The following LDLRAD3 variants were observed in gnomAD, a reference collection of about 807,000 sequenced individuals.
LDLRAD3 encodes low density lipoprotein receptor class A domain containing 3.
In LDLRAD3, 20 loss-of-function variants were observed where a neutral mutation model predicts 29.4. The ratio of observed to expected loss-of-function variants is 0.68; its 90% CI spans 0.48 to 0.99. The LOEUF (loss-of-function observed/expected upper bound fraction) is 0.99, where lower values mean the gene tolerates loss of function less well. Among genes scored for constraint, LDLRAD3 ranks in the 50% least tolerant of loss-of-function variants. LDLRAD3 has a pLI of 0.00. For synonymous variants in LDLRAD3, 157 were observed against 192.7 expected (o/e 0.81, Z 1.53); for missense variants, 420 against 454.3 (o/e 0.92, Z 0.69).
At chr11:36,054,189 C>T (rs956809416) in intron 2 of LDLRAD3, among the ~76,000 whole-genome samples, 4 of 152,114 alleles carry the variant, frequency 2.6e-5, no homozygotes, top group African/African-American at 9.7e-5. Flanking sequence ...AGTGGGAGTA[C>T]AAAGGCAGAT....
At chr11:36,139,681 C>T (rs556488191) in intron 4 of LDLRAD3, among the ~76,000 whole-genome samples, 1 of 152,330 alleles carries the variant, frequency 6.6e-6, no homozygotes, top group South Asian at 2.1e-4. Flanking sequence ...CCATAAACCA[C>T]CAAACCCTGC....
chr11:36,113,723 G>T (rs547268480), intron 4 of LDLRAD3, among the ~76,000 whole-genome samples: 2 of 148,370 alleles, frequency 1.3e-5, no homozygotes, highest in Admixed American at 6.8e-5. Context: ...ATCCAGGCTG[G>T]AGTTCAGCAG....
At chr11:36,133,541 T>C (rs538760151) in intron 4 of LDLRAD3, among the ~76,000 whole-genome samples, 98 of 133,178 alleles carry the variant, frequency 7.4e-4, no homozygotes, top group African/African-American at 2.2e-3. Context: ...GTTTTCTTTT[T>C]CTTTTCTTTT....
intron 4 of LDLRAD3, among the ~76,000 whole-genome samples, chr11:36,154,438 T>C (rs541691730): frequency 6.6e-6 from 1 of 152,310 alleles, no homozygotes; most frequent in South Asian, 2.1e-4. Context: ...CTAAAGCATG[T>C]TCCTTAGAAC....
At chr11:36,082,772 C>G (rs1451283985) in intron 3 of LDLRAD3, among the ~76,000 whole-genome samples, 1 of 152,150 alleles carries the variant, frequency 6.6e-6, no homozygotes, top group Non-Finnish European at 1.5e-5. Flanking sequence ...TTCCTTTTAG[C>G]ATCCTGCTGT....
At chr11:36,190,873 G>C (rs1854930764) in intron 4 of LDLRAD3, among the ~76,000 whole-genome samples, 1 of 152,136 alleles carries the variant, frequency 6.6e-6, no homozygotes, top group Non-Finnish European at 1.5e-5. Context: ...TTTTACAAAG[G>C]TTCAAGAATC....
chr11:36,056,347 T>C (rs1852620524), intron 2 of LDLRAD3, among the ~76,000 whole-genome samples: 2 of 152,186 alleles, frequency 1.3e-5, no homozygotes, highest in Non-Finnish European at 2.9e-5. Context: ...CTGTGCCCAA[T>C]GCTCTGCATG....
chr11:36,095,176 T>G (rs1347500443), intron 3 of LDLRAD3, among the ~76,000 whole-genome samples: 1 of 152,204 alleles, frequency 6.6e-6, no homozygotes, highest in East Asian at 1.9e-4. Context: ...TGAGACCCTG[T>G]TTCTTAAAAA....
At chr11:35,968,034 A>G in intron 1 of LDLRAD3, 1 of 459,680 alleles carries the variant, frequency 2.2e-6, no homozygotes. Flanking sequence ...GACTGTACCA[A>G]ATTCACCAAC....
intron 4 of LDLRAD3, among the ~76,000 whole-genome samples, chr11:36,113,776 C>G (rs995886488): frequency 6.6e-6 from 1 of 150,964 alleles, no homozygotes; most frequent in Non-Finnish European, 1.5e-5. Context: ...CAGGTTCATG[C>G]GATTCTCCTG....
chr11:36,182,246 G>A (rs1854775602), intron 4 of LDLRAD3, among the ~76,000 whole-genome samples: 1 of 152,166 alleles, frequency 6.6e-6, no homozygotes, highest in Non-Finnish European at 1.5e-5. Context: ...ATGGAATTGT[G>A]TCCAGGGTGT....
chr11:35,979,545 G>A (rs1851514981), intron 1 of LDLRAD3, among the ~76,000 whole-genome samples: 1 of 152,172 alleles, frequency 6.6e-6, no homozygotes, highest in Non-Finnish European at 1.5e-5. Context: ...TGCTATACAG[G>A]GTAGTGTGAG....
chr11:35,955,971 C>A (rs1389900037), intron 1 of LDLRAD3, among the ~76,000 whole-genome samples: 5 of 152,150 alleles, frequency 3.3e-5, no homozygotes, highest in African/African-American at 1.2e-4. Flanking sequence ...CTCATGGAAG[C>A]TATGGGGATA....
intron 2 of LDLRAD3, among the ~76,000 whole-genome samples, chr11:36,065,099 T>G (rs573279862): frequency 2.0e-5 from 3 of 152,350 alleles, no homozygotes; most frequent in African/African-American, 7.2e-5. Context: ...CTATCCATTA[T>G]TGAAGATGGA....
At chr11:36,156,730 A>G (rs1590316822) in intron 4 of LDLRAD3, among the ~76,000 whole-genome samples, 1 of 151,754 alleles carries the variant, frequency 6.6e-6, no homozygotes, top group South Asian at 2.1e-4. Flanking sequence ...AAAATGACAA[A>G]GAAGGAAGAT....
intron 4 of LDLRAD3, among the ~76,000 whole-genome samples, chr11:36,183,106 T>C (rs995523889): frequency 2.0e-5 from 3 of 152,152 alleles, no homozygotes; most frequent in Non-Finnish European, 4.4e-5. Flanking sequence ...TCCCAGGCAC[T>C]GTAGATGGTG....
chr11:36,213,155 G>C lies in LDLRAD3; in HGVS notation c.455-13930G>C, dbSNP rs116726500. ...CCCTCTCATTTTGAATTTAATCCTC[G>C]GGCACTTGTCTCCCAGCTCTCAATG... On this transcript the variant is annotated intron_variant, in intron 4 of 5. Transcript: ENST00000315571. This position sits in a 1 kb window ranked among gnomAD's most constrained non-coding sequence, Gnocchi z 4.1. Among the ~76,000 whole-genome samples, 3 of 147,178 alleles carry C rather than the reference G, an allele frequency of 2.0e-5. No individual in the cohort carries two copies. Among genetic ancestry groups the C allele is most frequent in the Non-Finnish European group, 4.4e-5 (3 of 67,510 alleles).
intron 1 of LDLRAD3, among the ~76,000 whole-genome samples, chr11:35,977,320 C>A (rs965088105): frequency 5.9e-5 from 9 of 152,296 alleles, no homozygotes; most frequent in African/African-American, 2.2e-4. Context: ...CACTGAACTT[C>A]TGCTTACATC....
chr11:36,134,560 T>C (rs991573430), intron 4 of LDLRAD3, among the ~76,000 whole-genome samples: 4 of 152,176 alleles, frequency 2.6e-5, no homozygotes, highest in Admixed American at 2.0e-4. Context: ...AAATGAGATA[T>C]GGCATTTTTG....
Sources: allele counts gnomAD v4.1 joint callset (sites outside exome capture counted in the v4.1 genomes callset), GRCh38; gene constraint gnomAD v4.1.1; non-coding constraint Gnocchi (gnomAD v3.1); transcripts MANE v1.5; gene names NCBI Gene and HGNC (gene_info 2026-07-23, HGNC 2026-07-21).